DISC1: variants seen among roughly 807,000 people sequenced by gnomAD.
DISC1 encodes DISC1 scaffold protein.
DISC1 carries 57 observed loss-of-function variants against 84.5 expected under a neutral mutation model. That is an observed-to-expected ratio of 0.67 (90% CI 0.55 to 0.84). DISC1 has a LOEUF of 0.84. DISC1 is among the 40% of genes least tolerant of loss of function. The pLI is 0.00. For missense variants in DISC1, 1,000 were observed against 1,057.8 expected (o/e 0.95, Z 0.76); for synonymous variants, 411 against 415.2 (o/e 0.99, Z 0.12).
rs1326225383 is a variant in DISC1 at position 231,770,693 on chromosome 1, C to T, written c.1399-142C>T. On this transcript the variant is annotated intron_variant, in intron 5 of 12. Transcript: ENST00000439617. ...ATGATTTTTCCAGTTCAGCAAACCT[C>T]CAAAAATCTGCCTGCCTCAGAAGGG... 2.8e-6 allele frequency: 4 copies of T among 1,412,248 alleles called. No homozygotes were observed. The East Asian group carries it at 1.0e-4, about 35-fold the overall frequency. 87.5% of individuals were successfully genotyped at this position (1,412,248 alleles called of 1,614,324 possible).
intron 11 of DISC1, among the ~76,000 whole-genome samples, chr1:232,021,975 T>A (rs943071826): frequency 1.3e-5 from 2 of 152,100 alleles, no homozygotes; most frequent in African/African-American, 4.8e-5. Context: ...AGCTGGGGCT[T>A]CCTCACAACA....
intron 4 of DISC1, among the ~76,000 whole-genome samples, chr1:231,757,676 T>C (rs1323493782): frequency 6.6e-6 from 1 of 152,186 alleles, no homozygotes; most frequent in Non-Finnish European, 1.5e-5. Context: ...ACTTTTGTGA[T>C]ATCCTCTTGA....
rs144812622 is a variant in DISC1 at position 231,784,583 on chromosome 1, G to A, written c.1635-10659G>A. 8.4e-4 allele frequency among the ~76,000 whole-genome samples: 128 copies of A among 152,194 alleles called. 2 individuals are homozygous for A. The highest frequency in any genetic ancestry group is 2.9e-3 in the African/African-American group (121 of 41,512). ...GTTAAAAATTTATGTGCCTGATTTT[G>A]GTCAGATTACTCTAAAATATTTTCT... On this transcript the variant is annotated intron_variant, in intron 6 of 12. Coordinates refer to ENST00000439617, the MANE Select transcript of DISC1 (RefSeq NM_018662.3).
At chr1:232,020,711 G>GA (rs965412993) in intron 11 of DISC1, among the ~76,000 whole-genome samples, 6 of 150,784 alleles carry the variant, frequency 4.0e-5, no homozygotes, top group Middle Eastern at 3.2e-3. Flanking sequence ...CACCTTCTTT[G>GA]AAAAAAAAAG....
chr1:232,030,629 CA>C (rs1669917770), intron 12 of DISC1, among the ~76,000 whole-genome samples: 1 of 152,172 alleles, frequency 6.6e-6, no homozygotes, highest in South Asian at 2.1e-4. Flanking sequence ...GGTTTGTGCA[CA>C]AATACCACAG....
intron 9 of DISC1, among the ~76,000 whole-genome samples, chr1:231,940,032 C>G (rs1386081588): frequency 6.6e-6 from 1 of 151,880 alleles, no homozygotes; most frequent in South Asian, 2.1e-4. Flanking sequence ...TATGGGCCAC[C>G]ATGCCTGGGT....
At chr1:231,737,160 T>C (rs2072625368) in intron 3 of DISC1, among the ~76,000 whole-genome samples, 1 of 152,236 alleles carries the variant, frequency 6.6e-6, no homozygotes, top group Non-Finnish European at 1.5e-5. Context: ...AATGAGATGA[T>C]GCTTAACATT....
At chr1:231,868,945 G>A (rs9432019) in intron 9 of DISC1, among the ~76,000 whole-genome samples, 4 of 150,014 alleles carry the variant, frequency 2.7e-5, no homozygotes, top group African/African-American at 9.8e-5. Flanking sequence ...GAGCAATGGG[G>A]AAATGCAATC....
intron 9 of DISC1, among the ~76,000 whole-genome samples, chr1:231,929,839 T>G (rs200396713): frequency 6.4e-4 from 98 of 152,280 alleles, no homozygotes; most frequent in Non-Finnish European, 1.1e-3. Context: ...ACTCCACCAT[T>G]GTTGTTGTTG....
intron 8 of DISC1, among the ~76,000 whole-genome samples, chr1:231,806,714 G>C (rs2079748874): frequency 6.6e-6 from 1 of 152,244 alleles, no homozygotes; most frequent in African/African-American, 2.4e-5. Flanking sequence ...TGGCTGCCTG[G>C]AAAGGAAGTG....
At chr1:231,855,303 A>G (rs745458557) in intron 9 of DISC1, 25 of 936,126 alleles carry the variant, frequency 2.7e-5, no homozygotes, top group Non-Finnish European at 3.2e-5. Context: ...ATTTCAAAAT[A>G]ACATGTTATA....
chr1:231,855,656 C>T (rs1012958455), intron 9 of DISC1, among the ~76,000 whole-genome samples: 6 of 152,160 alleles, frequency 3.9e-5, no homozygotes, highest in African/African-American at 1.4e-4. Context: ...TCTCTCCTTC[C>T]TAAGGATGGC....
At chr1:231,877,267 C>T (rs1000579192) in intron 9 of DISC1, among the ~76,000 whole-genome samples, 1 of 152,200 alleles carries the variant, frequency 6.6e-6, no homozygotes, top group African/African-American at 2.4e-5. Flanking sequence ...TGTTCACAGA[C>T]ATCTTTGTTG....
At chr1:231,796,434 G>T (rs1267654219) in intron 7 of DISC1, among the ~76,000 whole-genome samples, 1 of 150,882 alleles carries the variant, frequency 6.6e-6, no homozygotes, top group Non-Finnish European at 1.5e-5. Flanking sequence ...CGGTCTCTGT[G>T]CCCAGAGAAA....
chr1:231,685,772 CA>C (rs1310115867), intron 1 of DISC1, among the ~76,000 whole-genome samples: 6 of 152,122 alleles, frequency 3.9e-5, no homozygotes, highest in Non-Finnish European at 8.8e-5. Context: ...ACTTCTAACC[CA>C]AAAGTCCACA....
At chr1:231,747,024 G>A (rs1356220648) in intron 3 of DISC1, among the ~76,000 whole-genome samples, 1 of 152,134 alleles carries the variant, frequency 6.6e-6, no homozygotes, top group East Asian at 1.9e-4. Context: ...GACTTCCCCA[G>A]ACTCAGGTGA....
At chr1:231,728,086 T>A in intron 3 of DISC1, among the ~76,000 whole-genome samples, 1 of 152,172 alleles carries the variant, frequency 6.6e-6, no homozygotes, top group East Asian at 1.9e-4. Context: ...AACTTGATTT[T>A]TTTTTCGTAT....
chr1:231,683,388 G>T (rs1007999622), intron 1 of DISC1, among the ~76,000 whole-genome samples: 1 of 151,072 alleles, frequency 6.6e-6, no homozygotes, highest in Non-Finnish European at 1.5e-5. Context: ...TCTTGGTTGT[G>T]ATCTGAACCT....
chr1:232,007,929 A>G (rs911650574), intron 10 of DISC1, among the ~76,000 whole-genome samples: 1 of 152,128 alleles, frequency 6.6e-6, no homozygotes, highest in South Asian at 2.1e-4. Flanking sequence ...GTGAGTTCTC[A>G]TGAGATCTGG....
Sources: allele counts gnomAD v4.1 joint callset (sites outside exome capture counted in the v4.1 genomes callset), GRCh38; gene constraint gnomAD v4.1.1; transcripts MANE v1.5; gene names NCBI Gene and HGNC (gene_info 2026-07-23, HGNC 2026-07-21).